CCDC30: variants seen among roughly 807,000 people sequenced by gnomAD.
The protein encoded by CCDC30 is coiled-coil domain-containing protein 30.
In CCDC30, 70 loss-of-function variants were observed where a neutral mutation model predicts 100.2. The observed-to-expected ratio is 0.70, with a 90% CI of 0.58 to 0.85. CCDC30 has a LOEUF of 0.85. CCDC30 is among the 40% of genes least tolerant of loss of function. The pLI is 0.00. For synonymous variants in CCDC30, 233 were observed against 269.5 expected (o/e 0.86, Z 1.33); for missense variants, 652 against 771.2 (o/e 0.85, Z 1.83).
chr1:42,602,357 C>T (rs1324073532), intron 10 of CCDC30, among the ~76,000 whole-genome samples: 1 of 151,800 alleles, frequency 6.6e-6, no homozygotes, highest in African/African-American at 2.4e-5. Context: ...AAAACTGGCT[C>T]TTTGAAAAGA....
chr1:42,553,997 GTA>G (rs147674816), intron 6 of CCDC30, among the ~76,000 whole-genome samples: 20,552 of 151,094 alleles, frequency 0.14, 1,512 homozygotes, highest in East Asian at 0.17. Context: ...TTTTCCCATA[GTA>G]TATATATATA....
intron 7 of CCDC30, 124 bp downstream of exon 11, chr1:42,566,599 C>G (rs1645611942): frequency 2.8e-6 from 2 of 721,470 alleles, no homozygotes; most frequent in Non-Finnish European, 4.4e-6. Flanking sequence ...TGTGAGCTAT[C>G]TGGTAACTTC....
rs1217097148 is a variant in CCDC30 at position 42,488,124 on chromosome 1, A to G, written c.170-2034A>G. Among the ~76,000 whole-genome samples, 2 of 152,112 alleles carry G rather than the reference A, an allele frequency of 1.3e-5. 1 individual carries two copies. The highest frequency in any genetic ancestry group is 2.9e-5 in the Non-Finnish European group (2 of 68,016). On this transcript the variant is annotated intron_variant, in intron 3 of 16. Coordinates refer to ENST00000668663, the Ensembl canonical transcript of CCDC30. ...CTCTGCCCTAGCTACTTTTGTATAT[A>G]TTTGAAATCTTCCATAAGTAAAAAA... is the stretch of plus-strand genomic sequence containing the variant.
At chr1:42,567,371 T>G (rs1645628544) in intron 7 of CCDC30, among the ~76,000 whole-genome samples, 1 of 152,220 alleles carries the variant, frequency 6.6e-6, no homozygotes, top group Non-Finnish European at 1.5e-5. Context: ...CCTGGCCCTT[T>G]ATGAGAAAAG....
intron 6 of CCDC30, among the ~76,000 whole-genome samples, chr1:42,509,100 G>A (rs1184152500): frequency 6.6e-6 from 1 of 152,158 alleles, no homozygotes; most frequent in African/African-American, 2.4e-5. Context: ...GGGGTGGTAA[G>A]CAGCTTTTGA....
At chr1:42,566,341 G>A (rs1336009362) in exon 7 of CCDC30, 8 of 1,613,896 alleles carry the variant, frequency 5.0e-6, no homozygotes, top group South Asian at 1.1e-5. Context: ...GCAAGGGGAA[G>A]TACAACAACT....
At chr1:42,616,855 G>A (rs984479550) in intron 11 of CCDC30, among the ~76,000 whole-genome samples, 1 of 152,110 alleles carries the variant, frequency 6.6e-6, no homozygotes, top group Non-Finnish European at 1.5e-5. Context: ...GTAACATTAC[G>A]GAGAGTATCC....
At chr1:42,607,555 TAA>T (rs60204912) in intron 10 of CCDC30, among the ~76,000 whole-genome samples, 25,489 of 89,474 alleles carry the variant, frequency 0.28, 2,128 homozygotes, top group South Asian at 0.47. Context: ...CTTGTCTCTA[TAA>T]AAAAAAAAAA....
At chr1:42,555,605 G>T (rs1252823057) in intron 6 of CCDC30, among the ~76,000 whole-genome samples, 1 of 152,186 alleles carries the variant, frequency 6.6e-6, no homozygotes, top group Non-Finnish European at 1.5e-5. Flanking sequence ...CATTTAAACT[G>T]GCAGTTTGGC....
chr1:42,484,324 C>G (rs977431969), intron 3 of CCDC30, among the ~76,000 whole-genome samples: 2 of 152,104 alleles, frequency 1.3e-5, no homozygotes, highest in African/African-American at 4.8e-5. Context: ...ATTTATTCCT[C>G]AGTAAACACT....
intron 6 of CCDC30, among the ~76,000 whole-genome samples, chr1:42,515,207 CAA>C (rs58531777): frequency 1.5e-5 from 2 of 136,802 alleles, no homozygotes; most frequent in African/African-American, 2.7e-5. Flanking sequence ...AGCTGCAAGC[CAA>C]AAAAAAAAAA....
At chr1:42,524,229 A>G (rs1303703159) in intron 6 of CCDC30, among the ~76,000 whole-genome samples, 2 of 151,400 alleles carry the variant, frequency 1.3e-5, no homozygotes, top group African/African-American at 4.9e-5. Flanking sequence ...CCTCCCAGGG[A>G]TTGCTGTTTT....
At chr1:42,554,755 T>C (rs533335031) in intron 6 of CCDC30, among the ~76,000 whole-genome samples, 1 of 152,210 alleles carries the variant, frequency 6.6e-6, no homozygotes, top group Non-Finnish European at 1.5e-5. Context: ...TCTCTAACCA[T>C]TGAAGGTGCA....
At chr1:42,457,668 C>T in the CCDC30 span, 1 of 316,496 alleles carries the variant, frequency 3.2e-6, no homozygotes, top group South Asian at 3.6e-5. Context: ...AAAAGATGAG[C>T]AGAACCGAGC....
chr1:42,544,784 G>A (rs1457868947), intron 6 of CCDC30, among the ~76,000 whole-genome samples: 1 of 152,164 alleles, frequency 6.6e-6, no homozygotes, highest in Non-Finnish European at 1.5e-5. Flanking sequence ...TGGGATTACA[G>A]ATGTGAGCCA....
At chr1:42,520,753 G>A (rs1644628361) in intron 6 of CCDC30, among the ~76,000 whole-genome samples, 1 of 141,670 alleles carries the variant, frequency 7.1e-6, no homozygotes, top group Non-Finnish European at 1.5e-5. Flanking sequence ...CCATTCTCCT[G>A]CCTCAGCCTC....
At chr1:42,547,863 C>T (rs1050581287) in intron 6 of CCDC30, among the ~76,000 whole-genome samples, 21 of 152,156 alleles carry the variant, frequency 1.4e-4, no homozygotes, top group Non-Finnish European at 4.4e-5. Context: ...AGTTTCTTAT[C>T]CTTATGGTCC....
Position 42,617,887 on chromosome 1 carries a change from G to C in CCDC30, c.1277+6797G>C, listed in dbSNP as rs139803347. ...AGGCAGTCTAGTCCCCAGGCAAGAA[G>C]GGGGTTTGTTTTGGGAAAGGGCTGT... On this transcript the variant is annotated intron_variant, in intron 11 of 16. Coordinates refer to ENST00000668663, the Ensembl canonical transcript of CCDC30. 4.8e-3 allele frequency among the ~76,000 whole-genome samples: 737 copies of C among 152,290 alleles called. 3 individuals carry two copies. Among genetic ancestry groups the C allele is most frequent in the African/African-American group, 0.017 (699 of 41,568 alleles).
chr1:42,639,274 T>A (rs1398471705), intron 12 of CCDC30, among the ~76,000 whole-genome samples: 1 of 152,058 alleles, frequency 6.6e-6, no homozygotes, highest in Non-Finnish European at 1.5e-5. Flanking sequence ...GAATGCCTCA[T>A]GATGATGAAT....
Sources: gnomAD v4.1 joint callset for allele counts (sites outside exome capture counted in the v4.1 genomes callset) on GRCh38, gnomAD v4.1.1 for gene constraint, MANE v1.5 for transcripts, NCBI Gene and HGNC (gene_info 2026-07-23, HGNC 2026-07-21) for gene names.